Variants in SLC12A7 observed in about 807,000 individuals in gnomAD.
SLC12A7 encodes K-Cl cotransporter 4.
Under a neutral mutation model 120.6 loss-of-function variants are expected in SLC12A7, and 100 were observed. The observed-to-expected ratio is 0.83, with a 90% CI of 0.71 to 0.98. The LOEUF (loss-of-function observed/expected upper bound fraction) is 0.98, where lower values mean the gene tolerates loss of function less well. SLC12A7 is among the 50% of genes least tolerant of loss of function. The pLI is 0.00. For missense variants in SLC12A7, 1,373 were observed against 1,548.1 expected (o/e 0.89, Z 1.90); for synonymous variants, 760 against 678.0 (o/e 1.12, Z -1.88).
At chr5:1,103,910 C>A (rs962159758) in intron 1 of SLC12A7, among the ~76,000 whole-genome samples, 1 of 152,234 alleles carries the variant, frequency 6.6e-6, no homozygotes, top group African/African-American at 2.4e-5. Flanking sequence ...GACGTCTGAG[C>A]CATGGAGGGG....
rs147305897 is a variant in SLC12A7 at position 1,056,063 on chromosome 5, C to T, written c.3026+1408G>A. ...ACTCCCAGGGAGCACCCTGGGGGTC[C>T]GTCCAGGGTACACCCTCCCACCTGC... On this transcript the variant is annotated intron_variant, in intron 22 of 23. Transcript: ENST00000264930. Among the ~76,000 whole-genome samples the T allele has an allele frequency of 4.8e-3, 725 of 152,222 alleles. 4 individuals carry two copies. Among genetic ancestry groups the T allele is most frequent in the Admixed American group, 8.0e-3 (122 of 15,310 alleles).
At chr5:1,104,204 G>A (rs1012239363) in intron 1 of SLC12A7, among the ~76,000 whole-genome samples, 7 of 152,166 alleles carry the variant, frequency 4.6e-5, no homozygotes, top group East Asian at 1.9e-4. Context: ...GCCCAGGCCC[G>A]ACCCGCTGGC....
Position 1,078,019 on chromosome 5 carries a change from C to T in SLC12A7, c.1455-12G>A, listed in dbSNP as rs777453365. The T allele has an allele frequency of 2.5e-5, 39 of 1,544,598 alleles. No homozygotes were observed. Among genetic ancestry groups the T allele is most frequent in the Admixed American group, 1.2e-4 (6 of 48,616 alleles). ...GGGCCTCCCCGAACCTGCAGGCAGG[C>T]GGGCAGGCGGGCGGGCGGCTTTCAG... On this transcript the variant is annotated splice_polypyrimidine_tract_variant and intron_variant, in intron 11 of 23. Transcript: ENST00000264930.
Position 1,074,649 on chromosome 5 carries a change from C to A in SLC12A7, c.1990G>T (p.Gly664Cys). The A allele has an allele frequency of 6.2e-7, 1 of 1,612,796 alleles. No individual in the cohort carries two copies. ...GCGTTCAGGGATAGGCCACGGATGC[C>A]ATCGCCCCACTCCTTCTCGGCCCTG... ...YRGAEKEWGD[G>C]IRGLSLNAAR... Residue 664 changes from glycine to cysteine, a missense_variant, in exon 16 of 24, where the codon GGC (glycine) becomes TGC (cysteine). Transcript: ENST00000264930.
rs545211006 is a variant in SLC12A7, at chr5:1,053,648, C to T, written c.3027-166G>A. Among the ~76,000 whole-genome samples, 16 of 152,306 alleles carry T rather than the reference C, an allele frequency of 1.1e-4. 2 individuals carry two copies. The highest frequency in any genetic ancestry group is 3.1e-4 in the African/African-American group (13 of 41,572). Reference sequence around the variant, plus strand: ...CTGAAGGATGCAGAAGTGGCGGCTCCGAGCGAAAGGCGCTGACTGCAGCCA... The same window carrying T: ...CTGAAGGATGCAGAAGTGGCGGCTCTGAGCGAAAGGCGCTGACTGCAGCCA... On this transcript the variant is annotated intron_variant, in intron 22 of 23. Coordinates refer to ENST00000264930, the MANE Select transcript of SLC12A7 (RefSeq NM_006598.3).
intron 1 of SLC12A7, among the ~76,000 whole-genome samples, chr5:1,100,958 G>A (rs1741955527): frequency 6.6e-6 from 1 of 152,166 alleles, no homozygotes; most frequent in Non-Finnish European, 1.5e-5. Flanking sequence ...TCTGCATGGT[G>A]ACCACCCACC....
intron 1 of SLC12A7, among the ~76,000 whole-genome samples, chr5:1,100,994 G>A (rs1408627661): frequency 3.9e-5 from 6 of 152,132 alleles, no homozygotes; most frequent in Admixed American, 1.3e-4. Context: ...GCTGAGCCCC[G>A]CACCCATGGC....
At chr5:1,110,157 C>T (rs935753327) in intron 1 of SLC12A7, among the ~76,000 whole-genome samples, 3 of 152,362 alleles carry the variant, frequency 2.0e-5, no homozygotes, top group African/African-American at 7.2e-5. Context: ...GGCTGGGCAC[C>T]GGGCCCTTTC....
chr5:1,059,669 G>A (rs1313867519), intron 21 of SLC12A7, among the ~76,000 whole-genome samples: 5 of 151,170 alleles, frequency 3.3e-5, no homozygotes, highest in Non-Finnish European at 5.9e-5. Flanking sequence ...ACACCCAGAC[G>A]TCCTCAGCAG....
chr5:1,090,881 G>A (rs569963851), intron 3 of SLC12A7, among the ~76,000 whole-genome samples: 6 of 152,346 alleles, frequency 3.9e-5, no homozygotes, highest in Non-Finnish European at 7.4e-5. Flanking sequence ...GGAGGCTGGA[G>A]ATGCCTGGGC....
At chr5:1,128,151 G>T in the SLC12A7 span, among the ~76,000 whole-genome samples, 2 of 152,210 alleles carry the variant, frequency 1.3e-5, no homozygotes, top group African/African-American at 4.8e-5. Flanking sequence ...GGGCGTGGCT[G>T]GGAGGTGGGT....
chr5:1,077,282 G>C (rs1738464895), intron 12 of SLC12A7, among the ~76,000 whole-genome samples: 1 of 152,216 alleles, frequency 6.6e-6, no homozygotes, highest in South Asian at 2.1e-4. Context: ...TCGGCACCCT[G>C]CCGAGGGACC....
chr5:1,112,494 C>A (rs1427411164), upstream of SLC12A7, among the ~76,000 whole-genome samples: 1 of 46,018 alleles, frequency 2.2e-5, no homozygotes, highest in African/African-American at 1.2e-4. Context: ...CCTGCTGGGC[C>A]CCCCTGCCCC....
chr5:1,086,790 T>C, intron 6 of SLC12A7, 113 bp downstream of exon 6: 1 of 1,406,894 alleles, frequency 7.1e-7, no homozygotes, highest in East Asian at 2.3e-5. Context: ...GCCAGGGCAG[T>C]GGGGTCAGGA....
chr5:1,148,561 T>G, the SLC12A7 span, among the ~76,000 whole-genome samples: 1 of 152,250 alleles, frequency 6.6e-6, no homozygotes, highest in Non-Finnish European at 1.5e-5. Flanking sequence ...ATCAAAATGT[T>G]ATACAAAATT....
At chr5:1,141,070 C>T in the SLC12A7 span, among the ~76,000 whole-genome samples, 1 of 152,204 alleles carries the variant, frequency 6.6e-6, no homozygotes, top group African/African-American at 2.4e-5. Flanking sequence ...ACAGACACGT[C>T]TCGAAGCCTC....
intron 1 of SLC12A7, 47 bp downstream of exon 1, chr5:1,111,821 C>A (rs906278403): frequency 1.1e-4 from 135 of 1,194,546 alleles, no homozygotes; most frequent in Non-Finnish European, 6.4e-5. Context: ...CCCAGACCCG[C>A]GCTCGGGGCG....
At chr5:1,057,681 G>T (rs748709897) in intron 21 of SLC12A7, 32 bp from the exon 22 acceptor site, 2 of 1,573,686 alleles carry the variant, frequency 1.3e-6, no homozygotes, top group South Asian at 2.3e-5. Flanking sequence ...GAGACCAGCC[G>T]GTCTCAAAAC....
the SLC12A7 span, among the ~76,000 whole-genome samples, chr5:1,149,660 T>C: frequency 6.6e-6 from 1 of 152,212 alleles, no homozygotes; most frequent in East Asian, 1.9e-4. Flanking sequence ...TAGTGTTGAT[T>C]TGCATTTCTC....
Sources: allele counts gnomAD v4.1 joint callset (sites outside exome capture counted in the v4.1 genomes callset), GRCh38; gene constraint gnomAD v4.1.1; transcripts MANE v1.5; gene names NCBI Gene and HGNC (gene_info 2026-07-23, HGNC 2026-07-21).